Variants in GATAD2B observed in about 807,000 individuals in gnomAD.
GATAD2B encodes GATA zinc finger domain containing 2B, also known as transcriptional repressor p66-beta.
A neutral mutation model predicts 64.3 loss-of-function variants in GATAD2B; 8 were observed. The ratio of observed to expected loss-of-function variants is 0.12; its 90% CI spans 0.07 to 0.22. The LOEUF (loss-of-function observed/expected upper bound fraction) is 0.22. Among genes scored for constraint, GATAD2B ranks in the 10% least tolerant of loss-of-function variants. GATAD2B has a pLI of 1.00. For synonymous variants in GATAD2B, 281 were observed against 271.3 expected, an observed-to-expected ratio of 1.04 and a Z score of -0.35; for missense variants, 453 against 752.0, an observed-to-expected ratio of 0.60 and a Z score of 4.65.
rs1159204191 is a variant in GATAD2B at position 153,815,280 on chromosome 1, C to CAAAAAAAAAAAAAAAA, written c.1216+992_1216+993insTTTTTTTTTTTTTTTT. Among the ~76,000 whole-genome samples, 14 of 66,590 alleles carry CAAAAAAAAAAAAAAAA rather than the reference C, an allele frequency of 2.1e-4. 1 individual carries two copies. The highest frequency in any genetic ancestry group is 4.1e-4 in the Admixed American group (2 of 4,936). The allele number at this position is 66,590 out of a possible 152,430, so 43.7% of individuals were successfully genotyped here. ...AGGGTCAGACCCTGTCTCAAAAAAA[C>CAAAAAAAAAAAAAAAA]AAAAAAAAAAAACAAAAAAAAAAAA... On this transcript the variant is annotated intron_variant, in intron 7 of 10. Coordinates refer to ENST00000368655, the MANE Select transcript of GATAD2B (RefSeq NM_020699.4).
intron 1 of GATAD2B, among the ~76,000 whole-genome samples, chr1:153,896,177 A>G (rs1455630474): frequency 6.6e-6 from 1 of 151,962 alleles, no homozygotes; most frequent in East Asian, 1.9e-4. Flanking sequence ...TATATTTTAA[A>G]AAAAATCCAT....
chr1:153,828,868 A>G (rs530058035), intron 1 of GATAD2B, among the ~76,000 whole-genome samples: 18 of 152,274 alleles, frequency 1.2e-4, no homozygotes, highest in Non-Finnish European at 2.5e-4. Context: ...AAGCTAATTA[A>G]TCATTATCTT....
At chr1:153,848,836 C>G (rs1048693930) in intron 1 of GATAD2B, among the ~76,000 whole-genome samples, 5 of 152,126 alleles carry the variant, frequency 3.3e-5, no homozygotes, top group African/African-American at 7.2e-5. Context: ...TGCCTGTAAT[C>G]CCAGCTACTC....
chr1:153,816,534 T>G lies in GATAD2B; in HGVS notation c.955A>C (p.Asn319His), dbSNP rs1293661992. The part of the protein sequence containing the change: ...QRTTSSAIYM[N>H]LASHIQPGTV... ...CCTGGCTGGATATGAGAAGCAAGGT[T>G]CATATAGATGGCAGAGGATGTTGTA... Residue 319 changes from asparagine (N) to histidine (H), a missense_variant, in exon 7 of 11, where the codon AAC becomes CAC. Coordinates refer to ENST00000368655, the MANE Select transcript of GATAD2B (RefSeq NM_020699.4). This position sits in a 1 kb window ranked among gnomAD's most constrained non-coding sequence, Gnocchi z 4.9. 6.2e-7 allele frequency: 1 copy of G among 1,613,744 alleles called. No individual in the cohort carries two copies. Among genetic ancestry groups the G allele is most frequent in the African/African-American group, 1.3e-5 (1 of 74,930 alleles).
At chr1:153,853,188 T>G in intron 1 of GATAD2B, 3 of 1,232,390 alleles carry the variant, frequency 2.4e-6, no homozygotes, top group Non-Finnish European at 3.6e-6. Context: ...AACTGCAATT[T>G]GCAGCTCTAG....
At chr1:153,877,571 G>A (rs1676876398) in intron 1 of GATAD2B, among the ~76,000 whole-genome samples, 1 of 151,614 alleles carries the variant, frequency 6.6e-6, no homozygotes, top group Non-Finnish European at 1.5e-5. Flanking sequence ...CTAACATCAA[G>A]AGAAAAGGTA....
chr1:153,833,537 G>A (rs1182990351), intron 1 of GATAD2B, among the ~76,000 whole-genome samples: 4 of 152,154 alleles, frequency 2.6e-5, no homozygotes, highest in Non-Finnish European at 4.4e-5. Context: ...AAATATTGCT[G>A]GGCATGGGGG....
At chr1:153,892,028 G>A (rs533202362) in intron 1 of GATAD2B, among the ~76,000 whole-genome samples, 47 of 151,880 alleles carry the variant, frequency 3.1e-4, no homozygotes, top group African/African-American at 1.0e-3. Context: ...CAGGCATGGC[G>A]GTGGCAGACG....
chr1:153,813,522 T>G (rs1463464985), intron 7 of GATAD2B, 70 bp from the exon 8 acceptor site: 2 of 1,042,044 alleles, frequency 1.9e-6, no homozygotes, highest in African/African-American at 3.1e-5. Flanking sequence ...ATCAAATAGA[T>G]CTTTTCCAGG....
Position 153,816,501 on chromosome 1 carries a change from T to G in GATAD2B, c.988A>C (p.Asn330His). ...CTAGGAAGTGGCGAGGACACTCTGT[T>G]CACCGTCCCTGGCTGGATATGAGAA... ...LASHIQPGTV[N>H]RVSSPLPSPS... Residue 330 changes from asparagine to histidine, a missense_variant, in exon 7 of 11, where the codon AAC becomes CAC. Asn to His is a moderately conservative substitution (Grantham distance 68). Coordinates refer to ENST00000368655, the MANE Select transcript of GATAD2B (RefSeq NM_020699.4). This position sits in a 1 kb window ranked among gnomAD's most constrained non-coding sequence, Gnocchi z 4.9. The G allele has an allele frequency of 6.2e-7, 1 of 1,613,708 alleles. No individual in the cohort carries two copies. Among genetic ancestry groups the G allele is most frequent in the Non-Finnish European group, 8.5e-7 (1 of 1,179,568 alleles).
intron 1 of GATAD2B, among the ~76,000 whole-genome samples, chr1:153,857,338 C>T (rs1235120170): frequency 2.6e-5 from 4 of 151,790 alleles, no homozygotes; most frequent in Non-Finnish European, 5.9e-5. Flanking sequence ...CCCAGCTACT[C>T]GGGAGGCTGA....
chr1:153,898,504 T>C (rs899079113), intron 1 of GATAD2B, among the ~76,000 whole-genome samples: 10 of 152,018 alleles, frequency 6.6e-5, no homozygotes, highest in South Asian at 4.1e-4. Flanking sequence ...GGTGGGAAGA[T>C]TGCTTGAGAC....
chr1:153,805,254 G>A lies in GATAD2B; in HGVS notation c.*4923C>T, dbSNP rs1481701787. On this transcript the variant is annotated 3_prime_UTR_variant, in exon 11 of 11. Coordinates refer to ENST00000368655, the MANE Select transcript of GATAD2B (RefSeq NM_020699.4). ...AAACAGCTGCCTTTAGCGGGGTTCA[G>A]ATGAAATCTGAGGAAAGGAGACAAA... 3.3e-5 allele frequency: 5 copies of A among 152,220 alleles called. No homozygotes were observed. The highest frequency in any genetic ancestry group is 7.3e-5 in the Non-Finnish European group (5 of 68,068). 9.4% of individuals were successfully genotyped at this position (152,220 alleles called of 1,614,324 possible). A position where few individuals can be genotyped will look rare whatever the true frequency, so the allele number is the denominator to read the frequency against.
chr1:153,909,365 C>A (rs1678048833), intron 1 of GATAD2B, among the ~76,000 whole-genome samples: 1 of 151,926 alleles, frequency 6.6e-6, no homozygotes, highest in Non-Finnish European at 1.5e-5. Flanking sequence ...AGGCGCCCAC[C>A]ACCATGACGA....
At chr1:153,920,634 T>C (rs1262095065) in intron 1 of GATAD2B, among the ~76,000 whole-genome samples, 1 of 152,106 alleles carries the variant, frequency 6.6e-6, no homozygotes, top group Non-Finnish European at 1.5e-5. Context: ...CAAACCACAG[T>C]GTCATAAAGA....
chr1:153,813,189 G>C, intron 8 of GATAD2B, 61 bp downstream of exon 8: 1 of 1,329,184 alleles, frequency 7.5e-7, no homozygotes, highest in Non-Finnish European at 1.1e-6. Context: ...AAACTAGAAG[G>C]CGCGACCCTT....
At chr1:153,811,057 G>A (rs1165451445) in intron 10 of GATAD2B, among the ~76,000 whole-genome samples, 1 of 151,966 alleles carries the variant, frequency 6.6e-6, no homozygotes, top group African/African-American at 2.4e-5. Flanking sequence ...GAGCCACCAC[G>A]CCCAGCCAAT....
At chr1:153,893,522 T>C (rs1054400690) in intron 1 of GATAD2B, among the ~76,000 whole-genome samples, 4 of 152,036 alleles carry the variant, frequency 2.6e-5, no homozygotes, top group South Asian at 2.1e-4. Context: ...AGTGGGAGGA[T>C]TGCTTGAGCT....
intron 1 of GATAD2B, among the ~76,000 whole-genome samples, chr1:153,894,837 G>C (rs1050696227): frequency 2.6e-5 from 4 of 152,078 alleles, no homozygotes; most frequent in Non-Finnish European, 5.9e-5. Flanking sequence ...ACTCCAGCCT[G>C]GGTGACAGGT....
Sources: allele counts gnomAD v4.1 joint callset (sites outside exome capture counted in the v4.1 genomes callset), GRCh38; gene constraint gnomAD v4.1.1; non-coding constraint Gnocchi (gnomAD v3.1); transcripts MANE v1.5; gene names NCBI Gene and HGNC (gene_info 2026-07-23, HGNC 2026-07-21).